The following ERI3 variants were observed in gnomAD, a reference collection of about 807,000 sequenced individuals.
ERI3 encodes the protein ERI1 exoribonuclease family member 3.
A neutral mutation model predicts 44.4 loss-of-function variants in ERI3; 18 were observed. The ratio of observed to expected loss-of-function variants is 0.41; its 90% confidence interval spans 0.28 to 0.60. The LOEUF (loss-of-function observed/expected upper bound fraction) is 0.60. Among genes scored for constraint, ERI3 ranks in the 20% least tolerant of loss-of-function variants. ERI3 has a pLI of 0.36. For missense variants in ERI3, 294 were observed against 435.5 expected (o/e 0.68, Z 2.89); for synonymous variants, 183 against 164.8 (o/e 1.11, Z -0.84).
chr1:44,316,945 G>A (rs1358968232), intron 4 of ERI3, among the ~76,000 whole-genome samples: 2 of 152,076 alleles, frequency 1.3e-5, no homozygotes, highest in Non-Finnish European at 2.9e-5. Flanking sequence ...TCTCCAGGCC[G>A]ACTCTCAACT....
At position 44,221,423 on chromosome 1, in the gene ERI3, G is replaced by C; in HGVS notation, c.*135C>G. 2.7e-6 allele frequency: 2 copies of C among 730,698 alleles called. No individual in the cohort carries two copies. The highest frequency in any genetic ancestry group is 2.3e-6 in the Non-Finnish European group (1 of 440,670). The allele number at this position is 730,698 out of a possible 1,614,324, so 45.3% of individuals were successfully genotyped here. On this transcript the variant is annotated 3_prime_UTR_variant, in exon 9 of 9. Coordinates refer to ENST00000372257, the MANE Select transcript of ERI3 (RefSeq NM_024066.3). The surrounding 1 kb of genome is among the most constrained non-coding windows in gnomAD (Gnocchi z 5.9). ...GGGCACAAGCCCACGCCAAGGGCAT[G>C]AGCCCACAGGGCAGCTGGGGACACT...
intron 7 of ERI3, among the ~76,000 whole-genome samples, chr1:44,258,476 C>A (rs1644823711): frequency 6.6e-6 from 1 of 152,136 alleles, no homozygotes; most frequent in East Asian, 1.9e-4. Flanking sequence ...AGATCCCCCT[C>A]CCTCTTCATT....
chr1:44,304,208 A>T (rs754813566), intron 6 of ERI3, among the ~76,000 whole-genome samples: 10 of 152,118 alleles, frequency 6.6e-5, no homozygotes, highest in Non-Finnish European at 1.2e-4. Context: ...GATGAGCCCG[A>T]TTTCTTTTCT....
chr1:44,330,886 A>G (rs1293271740), intron 3 of ERI3, among the ~76,000 whole-genome samples: 1 of 152,208 alleles, frequency 6.6e-6, no homozygotes, highest in African/African-American at 2.4e-5. Context: ...GGGTCTCCTG[A>G]TATCAGTTTC....
intron 3 of ERI3, among the ~76,000 whole-genome samples, chr1:44,331,301 ATT>A (rs112983929): frequency 1.4e-5 from 2 of 144,152 alleles, no homozygotes; most frequent in Non-Finnish European, 3.1e-5. Context: ...CAAATTCCCA[ATT>A]TTTTTTTTTT....
intron 8 of ERI3, among the ~76,000 whole-genome samples, chr1:44,224,550 T>A (rs1196355122): frequency 6.6e-6 from 1 of 152,250 alleles, no homozygotes; most frequent in African/African-American, 2.4e-5. Flanking sequence ...TTGCTGTTAT[T>A]GTGAGGACCA....
chr1:44,272,393 A>T (rs3850115), intron 7 of ERI3, among the ~76,000 whole-genome samples: 1,853 of 152,216 alleles, frequency 0.012, 72 homozygotes, highest in East Asian at 0.069. Flanking sequence ...CTGGCTCCAA[A>T]GCTCTTCCTT....
intron 7 of ERI3, among the ~76,000 whole-genome samples, chr1:44,282,839 C>T (rs1466408592): frequency 6.6e-6 from 1 of 152,180 alleles, no homozygotes; most frequent in Non-Finnish European, 1.5e-5. Context: ...CCTACTATTC[C>T]CTTCCTCTTC....
At chr1:44,227,064 G>C (rs1171988211) in intron 8 of ERI3, among the ~76,000 whole-genome samples, 2 of 152,104 alleles carry the variant, frequency 1.3e-5, no homozygotes, top group Non-Finnish European at 2.9e-5. Flanking sequence ...TATGTGAAAT[G>C]ATCAAAGAAG....
At chr1:44,295,796 G>T (rs766478969) in intron 6 of ERI3, among the ~76,000 whole-genome samples, 1 of 152,172 alleles carries the variant, frequency 6.6e-6, no homozygotes, top group Non-Finnish European at 1.5e-5. Context: ...ATTTCAACAG[G>T]AAACATCACT....
At chr1:44,247,516 A>C (rs925697805) in intron 8 of ERI3, among the ~76,000 whole-genome samples, 3 of 152,188 alleles carry the variant, frequency 2.0e-5, no homozygotes, top group Non-Finnish European at 4.4e-5. Context: ...AGGTTTAAAT[A>C]ATTCATCTCC....
chr1:44,326,372 G>A (rs149462197), intron 3 of ERI3, among the ~76,000 whole-genome samples: 4 of 152,254 alleles, frequency 2.6e-5, no homozygotes, highest in African/African-American at 9.6e-5. Flanking sequence ...GGGCTACACT[G>A]GGCAATGGGG....
intron 6 of ERI3, among the ~76,000 whole-genome samples, chr1:44,303,181 G>A (rs1375194940): frequency 6.6e-6 from 1 of 152,224 alleles, no homozygotes; most frequent in Non-Finnish European, 1.5e-5. Flanking sequence ...GCCTAAGCCT[G>A]TGGGCTATCT....
chr1:44,243,056 C>A (rs974681938), intron 8 of ERI3, among the ~76,000 whole-genome samples: 6 of 152,240 alleles, frequency 3.9e-5, no homozygotes, highest in Non-Finnish European at 7.3e-5. Context: ...AGAGCTAATG[C>A]GTTCTGACTG....
At chr1:44,338,912 A>T in intron 3 of ERI3, 133 bp downstream of exon 3, 1 of 1,121,964 alleles carries the variant, frequency 8.9e-7, no homozygotes, top group Non-Finnish European at 1.3e-6. Context: ...CCTGCTTCCT[A>T]GACAGGAACT....
intron 3 of ERI3, among the ~76,000 whole-genome samples, chr1:44,332,362 T>C (rs1646448079): frequency 6.6e-6 from 1 of 152,120 alleles, no homozygotes; most frequent in African/African-American, 2.4e-5. Context: ...AATAAGAGGC[T>C]AGGGGGGATG....
At chr1:44,325,958 T>C (rs1316306509) in intron 3 of ERI3, among the ~76,000 whole-genome samples, 1 of 152,194 alleles carries the variant, frequency 6.6e-6, no homozygotes, top group Non-Finnish European at 1.5e-5. Flanking sequence ...CCAGAGGGTT[T>C]AATAGAGTAG....
At chr1:44,238,340 C>T (rs1024892023) in intron 8 of ERI3, among the ~76,000 whole-genome samples, 3 of 152,062 alleles carry the variant, frequency 2.0e-5, no homozygotes, top group East Asian at 1.9e-4. Flanking sequence ...GCGGCAGCTC[C>T]GGTTTATCGC....
intron 6 of ERI3, among the ~76,000 whole-genome samples, chr1:44,303,084 C>T (rs1351329728): frequency 6.6e-6 from 1 of 152,120 alleles, no homozygotes; most frequent in Non-Finnish European, 1.5e-5. Flanking sequence ...TTCACTTTTC[C>T]AGGAGTCCCA....
Sources: allele counts gnomAD v4.1 joint callset (sites outside exome capture counted in the v4.1 genomes callset), GRCh38; gene constraint gnomAD v4.1.1; non-coding constraint Gnocchi (gnomAD v3.1); transcripts MANE v1.5; gene names NCBI Gene and HGNC (gene_info 2026-07-23, HGNC 2026-07-21).